Variants in KCNH8 observed in about 807,000 individuals in gnomAD.
KCNH8 encodes the protein voltage-gated delayed rectifier potassium channel KCNH8.
Under a neutral mutation model 103.6 loss-of-function variants are expected in KCNH8, and 70 were observed. That is an observed-to-expected ratio of 0.68 (90% CI 0.56 to 0.82). The LOEUF is 0.82. Ranked by LOEUF, KCNH8 falls within the 40% of genes least tolerant of loss-of-function variation. The pLI is 0.00. For synonymous variants in KCNH8, 498 were observed against 489.4 expected, an observed-to-expected ratio of 1.02 and a Z score of -0.23; for missense variants, 1,217 against 1,329.9, an observed-to-expected ratio of 0.92 and a Z score of 1.32.
intron 5 of KCNH8, among the ~76,000 whole-genome samples, chr3:19,369,966 T>G (rs1204831681): frequency 6.6e-6 from 1 of 152,026 alleles, no homozygotes; most frequent in East Asian, 1.9e-4. Flanking sequence ...ATAAATAGGT[T>G]TTTGTTGCTG....
intron 11 of KCNH8, among the ~76,000 whole-genome samples, chr3:19,495,911 T>C (rs1403220023): frequency 6.6e-6 from 1 of 152,130 alleles, no homozygotes; most frequent in African/African-American, 2.4e-5. Flanking sequence ...TAGAGATCTT[T>C]CACCACTCTG....
chr3:19,513,164 G>C lies in KCNH8; in HGVS notation c.2274G>C (p.Ser758=). 1 of 1,613,874 alleles carries C rather than the reference G, an allele frequency of 6.2e-7. No individual in the cohort carries two copies. Among genetic ancestry groups the C allele is most frequent in the Non-Finnish European group, 8.5e-7 (1 of 1,179,922 alleles). ...YLGLSLKQLA[S]GTVPFHSPIR... is the part of the protein sequence containing the mutation. ...GCTTAAGCTTAAAGCAACTGGCCTC[G>C]GGAACGGTGCCCTTTCACTCGCCTA... Residue 758 remains serine, a synonymous_variant, in exon 13 of 16, where the codon TCG becomes TCC. Coordinates refer to ENST00000328405, the MANE Select transcript of KCNH8 (RefSeq NM_144633.3).
At chr3:19,490,078 A>C (rs2068286450) in intron 11 of KCNH8, among the ~76,000 whole-genome samples, 1 of 152,228 alleles carries the variant, frequency 6.6e-6, no homozygotes, top group Non-Finnish European at 1.5e-5. Flanking sequence ...CCACCAGGGC[A>C]AATGCCTACC....
At chr3:19,532,823 T>C (rs2069186877) in intron 15 of KCNH8, among the ~76,000 whole-genome samples, 1 of 152,220 alleles carries the variant, frequency 6.6e-6, no homozygotes, top group Non-Finnish European at 1.5e-5. Flanking sequence ...TGAGGATGTC[T>C]TTAGATCAGG....
chr3:19,531,828 T>C (rs1401061115), intron 15 of KCNH8, among the ~76,000 whole-genome samples: 1 of 150,754 alleles, frequency 6.6e-6, no homozygotes, highest in Non-Finnish European at 1.5e-5. Context: ...GAAGTTGAAC[T>C]ACCTCTTTTT....
intron 1 of KCNH8, among the ~76,000 whole-genome samples, chr3:19,217,537 A>G (rs2063829866): frequency 1.3e-5 from 2 of 152,206 alleles, no homozygotes; most frequent in Admixed American, 6.5e-5. Flanking sequence ...ACAGAGTGCC[A>G]AGCATTTCCT....
chr3:19,320,406 A>G (rs2065334283), intron 3 of KCNH8, among the ~76,000 whole-genome samples: 1 of 151,956 alleles, frequency 6.6e-6, no homozygotes, highest in South Asian at 2.1e-4. Flanking sequence ...TTCTGCATCT[A>G]CTGAGATGAT....
intron 11 of KCNH8, among the ~76,000 whole-genome samples, chr3:19,508,062 T>C (rs1035937526): frequency 1.3e-5 from 2 of 152,230 alleles, no homozygotes; most frequent in African/African-American, 4.8e-5. Flanking sequence ...ATTTTGTATG[T>C]CAAACCAGCC....
At chr3:19,166,185 T>C (rs558048064) in intron 1 of KCNH8, among the ~76,000 whole-genome samples, 9 of 152,326 alleles carry the variant, frequency 5.9e-5, no homozygotes, top group African/African-American at 1.2e-4. Flanking sequence ...AAATTAAAAG[T>C]TATTTTAAAA....
At chr3:19,322,969 T>C (rs2065369904) in intron 3 of KCNH8, among the ~76,000 whole-genome samples, 1 of 152,206 alleles carries the variant, frequency 6.6e-6, no homozygotes, top group Non-Finnish European at 1.5e-5. Context: ...CTTCTACTTG[T>C]TCAATTCTGT....
chr3:19,506,494 G>C (rs1223877662), intron 11 of KCNH8, among the ~76,000 whole-genome samples: 2 of 152,140 alleles, frequency 1.3e-5, no homozygotes, highest in South Asian at 2.1e-4. Flanking sequence ...ATGGCCAGTA[G>C]GTAGGCACTT....
At chr3:19,358,893 C>A (rs1221570671) in intron 5 of KCNH8, among the ~76,000 whole-genome samples, 1 of 150,472 alleles carries the variant, frequency 6.6e-6, no homozygotes, top group Non-Finnish European at 1.5e-5. Context: ...TTAATGGACC[C>A]AGTGATTTCA....
At chr3:19,212,846 T>A (rs1297957721) in intron 1 of KCNH8, among the ~76,000 whole-genome samples, 1 of 152,216 alleles carries the variant, frequency 6.6e-6, no homozygotes, top group East Asian at 1.9e-4. Context: ...TTGTAACATC[T>A]GGGTTAAGTA....
intron 11 of KCNH8, among the ~76,000 whole-genome samples, chr3:19,498,613 T>C (rs1404870256): frequency 6.6e-6 from 1 of 152,224 alleles, no homozygotes; most frequent in African/African-American, 2.4e-5. Flanking sequence ...CTTTCTTCTG[T>C]TGCTGGTGAG....
At chr3:19,429,501 C>T (rs545581907) in intron 7 of KCNH8, among the ~76,000 whole-genome samples, 2 of 152,308 alleles carry the variant, frequency 1.3e-5, no homozygotes, top group South Asian at 4.1e-4. Context: ...CAAAGGCTGA[C>T]ACCTCAAAAT....
chr3:19,451,486 T>C lies in KCNH8; in HGVS notation c.1825+82T>C. 3.9e-6 allele frequency: 5 copies of C among 1,273,096 alleles called. No individual in the cohort carries two copies. In the East Asian group the frequency reaches 7.0e-5, roughly 18 times the overall value. 78.9% of individuals were successfully genotyped at this position (1,273,096 alleles called of 1,614,324 possible). A position where few individuals can be genotyped will look rare whatever the true frequency, so the allele number is the denominator to read the frequency against. The stretch of plus-strand genomic sequence containing the variant: ...GATGAAATGGGGGAAAAAACTGCTA[T>C]TGAGAGTAGGAAAAGAACAGATGAA... On this transcript the variant is annotated intron_variant, in intron 10 of 15. Transcript: ENST00000328405.
intron 4 of KCNH8, 129 bp downstream of exon 4, chr3:19,342,843 CT>C: frequency 1.2e-6 from 1 of 845,732 alleles, no homozygotes; most frequent in South Asian, 1.7e-5. Context: ...TTGGTTTGTG[CT>C]TTTCTATAAA....
intron 3 of KCNH8, among the ~76,000 whole-genome samples, chr3:19,307,305 A>G (rs1486288302): frequency 6.6e-6 from 1 of 151,922 alleles, no homozygotes; most frequent in Non-Finnish European, 1.5e-5. Flanking sequence ...TATATATGAA[A>G]AATGCTCAGC....
chr3:19,502,891 C>G (rs2068616973), intron 11 of KCNH8, among the ~76,000 whole-genome samples: 1 of 151,766 alleles, frequency 6.6e-6, no homozygotes, highest in Admixed American at 6.6e-5. Flanking sequence ...TCTAAAACAC[C>G]AAAAGCAATG....
Sources: gnomAD v4.1 joint callset for allele counts (sites outside exome capture counted in the v4.1 genomes callset) on GRCh38, gnomAD v4.1.1 for gene constraint, MANE v1.5 for transcripts, NCBI Gene and HGNC (gene_info 2026-07-23, HGNC 2026-07-21) for gene names.